The following TTC3 variants were observed in gnomAD, a reference collection of about 807,000 sequenced individuals.
The protein encoded by TTC3 is tetratricopeptide repeat domain 3.
TTC3 carries 180 observed loss-of-function variants against 249.6 expected under a neutral mutation model. The ratio of observed to expected loss-of-function variants is 0.72; its 90% CI spans 0.64 to 0.82. The LOEUF (loss-of-function observed/expected upper bound fraction) is 0.82. Among genes scored for constraint, TTC3 ranks in the 40% least tolerant of loss-of-function variants. The pLI is 0.00. For synonymous variants in TTC3, 717 were observed against 805.0 expected (o/e 0.89, Z 1.85); for missense variants, 2,061 against 2,398.4 (o/e 0.86, Z 2.94).
At chr21:37,097,904 A>C (rs1257159261) in intron 10 of TTC3, 1 of 706,724 alleles carries the variant, frequency 1.4e-6, no homozygotes, top group East Asian at 2.7e-5. Context: ...TTTTTCTTTT[A>C]TTGTAAACAG....
chr21:37,101,114 T>G (rs1291572049), intron 10 of TTC3: 4 of 152,252 alleles, frequency 2.6e-5, no homozygotes, highest in African/African-American at 7.2e-5. Flanking sequence ...TTGAATCGTT[T>G]TTGAATTGCT....
rs753334807 is a variant in TTC3, at chr21:37,124,665, C to T, written c.1156C>T (p.Leu386Phe). 1.8e-5 allele frequency: 29 copies of T among 1,613,340 alleles called. No individual in the cohort carries two copies. The Admixed American group carries it at 4.7e-4, about 26-fold the overall frequency. The change falls in exon 14 of 46, where the codon CTT becomes TTT. Residue 386 changes from leucine to phenylalanine, a missense_variant. Transcript: ENST00000355666. ...ATCAGCACCTATATTTACTACTTCA[C>T]TTAACTTTGTGGAGAAGGAAAGAGA...
chr21:37,092,163 A>G (rs2073358724), intron 7 of TTC3, among the ~76,000 whole-genome samples: 1 of 152,232 alleles, frequency 6.6e-6, no homozygotes, highest in South Asian at 2.1e-4. Context: ...GCATTTGAAT[A>G]TTAGCAGTGT....
chr21:37,153,766 T>G (rs1407015324), intron 27 of TTC3, among the ~76,000 whole-genome samples: 1 of 152,214 alleles, frequency 6.6e-6, no homozygotes, highest in Non-Finnish European at 1.5e-5. Context: ...GTCTGCCCCC[T>G]GCTCAGGAGC....
At chr21:37,128,371 A>G (rs1030308418) in intron 15 of TTC3, among the ~76,000 whole-genome samples, 8 of 152,232 alleles carry the variant, frequency 5.3e-5, no homozygotes, top group Admixed American at 2.6e-4. Context: ...AAGGGTCTGT[A>G]AACACTCACC....
At chr21:37,146,340 G>A (rs2078979433) in intron 21 of TTC3, among the ~76,000 whole-genome samples, 1 of 152,062 alleles carries the variant, frequency 6.6e-6, no homozygotes, top group Non-Finnish European at 1.5e-5. Context: ...ACCAGCCTGG[G>A]CAACATGGCG....
In TTC3 at chr21:37,196,046, G is replaced by A; in HGVS notation, c.5579+10G>A. The A allele has an allele frequency of 1.2e-6, 2 of 1,613,188 alleles. No homozygotes were observed. Among genetic ancestry groups the A allele is most frequent in the African/African-American group, 1.3e-5 (1 of 75,040 alleles). On this transcript the variant is annotated intron_variant, in intron 42 of 45. Coordinates refer to ENST00000355666, the Ensembl canonical transcript of TTC3. ...TCCCATGTTACAACAGGTATGAACA[G>A]AAAATGTCTGTGACTGTGTTTAATA...
At chr21:37,143,279 C>G (rs1374316320) in intron 20 of TTC3, among the ~76,000 whole-genome samples, 1 of 151,970 alleles carries the variant, frequency 6.6e-6, no homozygotes, top group African/African-American at 2.4e-5. Flanking sequence ...TTCTGCACAG[C>G]AAAAGAAACT....
Position 37,182,914 on chromosome 21 carries a change from G to GT in TTC3, c.4757+2dup. ...AAAAGGTTTCAAATGCCAGTGAAAT[G>GT]TAAGTAATGATTGAAAGGCAGTAAT... On this transcript the variant is annotated splice_donor_variant, in intron 36 of 45. Transcript: ENST00000355666. LOFTEE classifies it high-confidence loss of function. The GT allele has an allele frequency of 6.4e-7, 1 of 1,553,318 alleles. No homozygotes were observed. Among genetic ancestry groups the GT allele is most frequent in the Non-Finnish European group, 8.6e-7 (1 of 1,157,142 alleles).
intron 34 of TTC3, among the ~76,000 whole-genome samples, chr21:37,171,549 G>T (rs147617669): frequency 6.3e-4 from 96 of 152,238 alleles, no homozygotes; most frequent in African/African-American, 2.2e-3. Flanking sequence ...ATTCATTCAC[G>T]ACAGCAAGTT....
At chr21:37,140,413 G>C (rs2078336871) in intron 19 of TTC3, 148 bp from the exon 20 acceptor site, 1 of 523,406 alleles carries the variant, frequency 1.9e-6, no homozygotes, top group African/African-American at 2.0e-5. Context: ...TCCTAAGAAA[G>C]TGAAACACAG....
At chr21:37,156,563 T>C in intron 27 of TTC3, 92 bp from the exon 28 acceptor site, 30 of 1,480,394 alleles carry the variant, frequency 2.0e-5, no homozygotes, top group Non-Finnish European at 2.4e-5. Context: ...AAGCAAACTA[T>C]AATCAGCTGC....
intron 34 of TTC3, among the ~76,000 whole-genome samples, chr21:37,169,858 A>G (rs529677056): frequency 6.6e-6 from 1 of 151,876 alleles, no homozygotes; most frequent in South Asian, 2.1e-4. Flanking sequence ...AAAAAAAAAA[A>G]AACAAAAAAC....
At position 37,088,824 on chromosome 21, in the gene TTC3, T is replaced by C. The variant is rs1487275562; in HGVS notation, c.364T>C (p.Leu122=). 4.3e-6 allele frequency: 7 copies of C among 1,613,250 alleles called. No homozygotes were observed. The Admixed American group carries it at 1.0e-4, about 23-fold the overall frequency. The change falls in exon 5 of 46, where the codon TTG becomes CTG. Residue 122 remains leucine, a synonymous_variant. Transcript: ENST00000355666. Reference sequence around the variant, plus strand: ...CAATTCACGTGCTTCTGAGATAAATTTGAAGAAACTACAACATCTTGAGTT... The same window carrying C: ...CAATTCACGTGCTTCTGAGATAAATCTGAAGAAACTACAACATCTTGAGTT...
intron 10 of TTC3, chr21:37,101,322 G>T: frequency 6.6e-6 from 1 of 151,004 alleles, no homozygotes; most frequent in Non-Finnish European, 1.5e-5. Flanking sequence ...ATAAAGCACT[G>T]TATGTTTCTG....
intron 24 of TTC3, 95 bp downstream of exon 24, chr21:37,150,265 A>G: frequency 2.3e-6 from 2 of 886,338 alleles, no homozygotes; most frequent in South Asian, 1.5e-5. Flanking sequence ...TGTAATTTGG[A>G]TCTTTTCCAG....
intron 28 of TTC3, 149 bp downstream of exon 28, chr21:37,157,055 A>G (rs963476415): frequency 1.5e-6 from 2 of 1,341,384 alleles, no homozygotes; most frequent in African/African-American, 3.0e-5. Context: ...AGTGATTAAC[A>G]GTAGCAATTT....
At chr21:37,109,227 T>G (rs1242848866) in intron 11 of TTC3, among the ~76,000 whole-genome samples, 1 of 151,998 alleles carries the variant, frequency 6.6e-6, no homozygotes, top group Non-Finnish European at 1.5e-5. Flanking sequence ...GGACAGTGAG[T>G]GCAGCGCACC....
intron 36 of TTC3, among the ~76,000 whole-genome samples, chr21:37,183,749 C>G (rs2148158561): frequency 6.6e-6 from 1 of 152,216 alleles, no homozygotes; most frequent in South Asian, 2.1e-4. Flanking sequence ...ATTATGATAG[C>G]CAGACTTCTT....
Sources: allele counts gnomAD v4.1 joint callset (sites outside exome capture counted in the v4.1 genomes callset), GRCh38; gene constraint gnomAD v4.1.1; transcripts MANE v1.5; gene names NCBI Gene and HGNC (gene_info 2026-07-23, HGNC 2026-07-21).